SMTN: variants seen among roughly 807,000 people sequenced by gnomAD.
SMTN encodes smoothelin.
Under a neutral mutation model 102.0 loss-of-function variants are expected in SMTN, and 58 were observed. The ratio of observed to expected loss-of-function variants is 0.57; its 90% CI spans 0.46 to 0.71. The LOEUF (loss-of-function observed/expected upper bound fraction) is 0.71, where lower values mean the gene tolerates loss of function less well. Ranked by LOEUF, SMTN falls within the 30% of genes least tolerant of loss-of-function variation. The probability of loss-of-function intolerance (pLI) is 0.00; values close to 1 mark genes in which losing one functional copy is unlikely to be tolerated. For missense variants in SMTN, 1,185 were observed against 1,241.7 expected, an observed-to-expected ratio of 0.95 and a Z score of 0.69; for synonymous variants, 478 against 497.9, an observed-to-expected ratio of 0.96 and a Z score of 0.53.
Position 31,088,033 on chromosome 22 carries a change from G to C in SMTN, c.120G>C (p.Gln40His). 6.2e-7 allele frequency: 1 copy of C among 1,612,154 alleles called. No homozygotes were observed. Among genetic ancestry groups the C allele is most frequent in the Middle Eastern group, 1.7e-4 (1 of 6,058 alleles). The change falls in exon 3 of 21, where the codon CAG becomes CAC. Residue 40 changes from glutamine to histidine, a missense_variant. Around this residue, in one of 2 missense-constraint regions of SMTN, gnomAD observed 1,096 missense variants for 1,112.7 expected, o/e 0.98. Coordinates refer to ENST00000333137, the MANE Select transcript of SMTN (RefSeq NM_134269.3). Reference sequence around the variant, plus strand: ...CAGCCATCCGGGAACTGCAGCGGCAGGAGCTGGAGCGCGAGGAGGAGGCCC... The same window carrying C: ...CAGCCATCCGGGAACTGCAGCGGCACGAGCTGGAGCGCGAGGAGGAGGCCC... ...IRSAIRELQR[Q>H]ELEREEEALA... is the part of the protein sequence containing the mutation.
intron 1 of SMTN, among the ~76,000 whole-genome samples, chr22:31,072,966 T>C (rs2042037999): frequency 6.7e-6 from 1 of 150,334 alleles, no homozygotes; most frequent in African/African-American, 2.5e-5. Context: ...GTCCCTTATT[T>C]AAGCTAACAC....
intron 1 of SMTN, among the ~76,000 whole-genome samples, chr22:31,069,160 C>A (rs1170951824): frequency 6.6e-6 from 1 of 152,170 alleles, no homozygotes; most frequent in Non-Finnish European, 1.5e-5. Context: ...CCTGGCCCCG[C>A]TCCAGAAGGA....
chr22:31,070,834 G>A (rs930383824), intron 1 of SMTN, among the ~76,000 whole-genome samples: 18 of 150,976 alleles, frequency 1.2e-4, no homozygotes, highest in African/African-American at 4.4e-4. Context: ...TGAGGCAGGA[G>A]GATTGCTTGA....
At chr22:31,066,326 T>G (rs1272458543) in intron 1 of SMTN, 2 of 152,142 alleles carry the variant, frequency 1.3e-5, no homozygotes, top group Non-Finnish European at 2.9e-5. Context: ...ATTTTATTTT[T>G]GAGACAGAGT....
intron 8 of SMTN, 48 bp downstream of exon 8, chr22:31,090,228 C>A (rs1400646907): frequency 5.4e-6 from 8 of 1,477,768 alleles, no homozygotes; most frequent in Non-Finnish European, 4.6e-6. Context: ...TTCCCCTCCC[C>A]CTGCCTCCCT....
chr22:31,088,246 C>A, intron 3 of SMTN, 133 bp downstream of exon 3: 1 of 1,093,222 alleles, frequency 9.1e-7, no homozygotes, highest in South Asian at 1.6e-5. Context: ...TCCACACACG[C>A]TTCTGGAAAA....
At chr22:31,078,025 A>G (rs12158536), upstream of SMTN, among the ~76,000 whole-genome samples, 4,134 of 152,304 alleles carry the variant, frequency 0.027, 184 homozygotes, top group African/African-American at 0.094. Context: ...CTGTTGCCCA[A>G]CAAGGTCGTC....
chr22:31,088,500 G>A lies in SMTN; in HGVS notation c.201-13G>A, dbSNP rs1342949571. ...CCATGGCAGTGGTGGTTACAGTCAT[G>A]ATGTCTCTGCAGCTCTCAGCAGCGG... On this transcript the variant is annotated splice_polypyrimidine_tract_variant and intron_variant, in intron 3 of 20. Coordinates refer to ENST00000333137, the MANE Select transcript of SMTN (RefSeq NM_134269.3). 1 of 1,611,674 alleles carries A rather than the reference G, an allele frequency of 6.2e-7. No individual in the cohort carries two copies. Among genetic ancestry groups the A allele is most frequent in the Non-Finnish European group, 8.5e-7 (1 of 1,178,618 alleles).
At chr22:31,083,428 GA>G (rs2042444356) in intron 2 of SMTN, 119 bp downstream of exon 2, 1 of 1,269,072 alleles carries the variant, frequency 7.9e-7, no homozygotes. Context: ...GGAGGAGGGG[GA>G]CATGGGAACA....
At position 31,097,330 on chromosome 22, in the gene SMTN, G is replaced by T; in HGVS notation, c.2151G>T (p.Lys717Asn). The T allele has an allele frequency of 6.2e-7, 1 of 1,614,042 alleles. No homozygotes were observed. Among genetic ancestry groups the T allele is most frequent in the Middle Eastern group, 1.6e-4 (1 of 6,062 alleles). ...KTFSSSSSSK[K>N]MGSIFDREDQ... ...TCTCCTCTTCCTCCTCATCCAAGAA[G>T]ATGGGCAGGTGAGCACCAGCACCCA... Residue 717 changes from lysine (K) to asparagine (N), a missense_variant, in exon 16 of 21, where the codon AAG becomes AAT. By Grantham distance (94) the Lys-to-Asn change is moderately conservative. This residue lies in a region of SMTN where 1,096 missense variants were observed against 1,112.7 expected (regional missense o/e 0.98). Coordinates refer to ENST00000333137, the MANE Select transcript of SMTN (RefSeq NM_134269.3).
Position 31,088,853 on chromosome 22 carries a change from C to T in SMTN, c.374-19C>T, listed in dbSNP as rs756749431. 3 of 1,613,512 alleles carry T rather than the reference C, an allele frequency of 1.9e-6. No homozygotes were observed. Among genetic ancestry groups the T allele is most frequent in the Non-Finnish European group, 2.5e-6 (3 of 1,179,788 alleles). On this transcript the variant is annotated intron_variant, in intron 5 of 20. Transcript: ENST00000333137. ...GCACCTCCCTGTCACTCACCTGCCA[C>T]TTGCTCCTTCCCTTCCAGCTGCCAC...
At chr22:31,075,905 C>A (rs2042116282) in intron 1 of SMTN, among the ~76,000 whole-genome samples, 2 of 152,196 alleles carry the variant, frequency 1.3e-5, no homozygotes, top group Non-Finnish European at 2.9e-5. Context: ...TTTTAAAGTT[C>A]TGAACCCTGT....
At position 31,101,025 on chromosome 22, in the gene SMTN, C is replaced by T; in HGVS notation, c.2744C>T (p.Ser915Phe). Residue 915 changes from serine to phenylalanine, a missense_variant, in exon 20 of 21, where the codon TCC becomes TTC. Around this residue, in one of 2 missense-constraint regions of SMTN, gnomAD observed 89 missense variants for 128.9 expected, o/e 0.69. Transcript: ENST00000333137. ...VQKGLVKTKK[S>F] ...AAGGGGCTGGTAAAAACCAAAAAGT[C>T]CTAACCCCTGCTCGGGGCCCCACGG... 6.2e-7 allele frequency: 1 copy of T among 1,610,016 alleles called. No individual in the cohort carries two copies. The highest frequency in any genetic ancestry group is 2.2e-5 in the East Asian group (1 of 44,732).
Position 31,097,329 on chromosome 22 carries a change from A to G in SMTN, c.2150A>G (p.Lys717Arg), listed in dbSNP as rs1602663880. Residue 717 changes from lysine to arginine, a missense_variant, in exon 16 of 21, where the codon AAG (lysine) becomes AGG (arginine). Lys to Arg is a conservative substitution (Grantham distance 26). This residue lies in a region of SMTN where 1,096 missense variants were observed against 1,112.7 expected (regional missense o/e 0.98). Coordinates refer to ENST00000333137, the MANE Select transcript of SMTN (RefSeq NM_134269.3). ...TTCTCCTCTTCCTCCTCATCCAAGA[A>G]GATGGGCAGGTGAGCACCAGCACCC... ...KTFSSSSSSK[K>R]MGSIFDREDQ... is the part of the protein sequence containing the mutation. 1 of 1,614,072 alleles carries G rather than the reference A, an allele frequency of 6.2e-7. No individual in the cohort carries two copies. Among genetic ancestry groups the G allele is most frequent in the East Asian group, 2.2e-5 (1 of 44,884 alleles).
intron 1 of SMTN, among the ~76,000 whole-genome samples, chr22:31,071,871 T>G (rs1422554480): frequency 6.6e-6 from 1 of 151,826 alleles, no homozygotes; most frequent in African/African-American, 2.4e-5. Context: ...CATTTTTGTA[T>G]TTTTTGTAGA....
Position 31,090,975 on chromosome 22 carries a change from G to A in SMTN, c.952G>A (p.Ala318Thr). 6.2e-7 allele frequency: 1 copy of A among 1,613,236 alleles called. No individual in the cohort carries two copies. Among genetic ancestry groups the A allele is most frequent in the South Asian group, 1.1e-5 (1 of 91,014 alleles). Residue 318 changes from alanine to threonine, a missense_variant, in exon 10 of 21, where the codon GCC becomes ACC. By Grantham distance (58) the Ala-to-Thr change is moderately conservative (BLOSUM62 0). Around this residue, in one of 2 missense-constraint regions of SMTN, gnomAD observed 1,096 missense variants for 1,112.7 expected, o/e 0.98. Transcript: ENST00000333137. ...GTTCCTTCTAGAGTCCACCCCCCTT[G>A]CCAGCGGACCTTCCTCATTCCAGCG... ...PAQNRESTPLASGPSSFQRAG... is the reference protein window; with the variant it reads ...PAQNRESTPLTSGPSSFQRAG...
chr22:31,088,013 A>G lies in SMTN; in HGVS notation c.100A>G (p.Ile34Val). The G allele has an allele frequency of 6.2e-7, 1 of 1,611,292 alleles. No individual in the cohort carries two copies. The highest frequency in any genetic ancestry group is 8.5e-7 in the Non-Finnish European group (1 of 1,178,218). The change falls in exon 3 of 21, where the codon ATC (isoleucine) becomes GTC (valine). Residue 34 changes from isoleucine (I) to valine (V), a missense_variant. This residue lies in a region of SMTN where 1,096 missense variants were observed against 1,112.7 expected (regional missense o/e 0.98). Coordinates refer to ENST00000333137, the MANE Select transcript of SMTN (RefSeq NM_134269.3). ...LAERRRIRSA[I>V]RELQRQELER... is the part of the protein sequence containing the mutation. ...AGAGCGGCGGCGCATCCGCTCAGCC[A>G]TCCGGGAACTGCAGCGGCAGGAGCT...
rs761198642 is a variant in SMTN, at chr22:31,104,313, C to T, written c.*21-3C>T. Reference sequence around the variant, plus strand: ...CATCCAACCCCGTGCCCCCTCCCTGCAGGATGCTGGTGGACTGTGTGCCCC... The same window carrying T: ...CATCCAACCCCGTGCCCCCTCCCTGTAGGATGCTGGTGGACTGTGTGCCCC... On this transcript the variant is annotated splice_polypyrimidine_tract_variant and splice_region_variant and intron_variant, in intron 20 of 20. Transcript: ENST00000333137. 27 of 1,613,786 alleles carry T rather than the reference C, an allele frequency of 1.7e-5. No homozygotes were observed. In the Admixed American group the frequency reaches 4.5e-4, roughly 27 times the overall value.
At position 31,095,701 on chromosome 22, in the gene SMTN, T is replaced by A. The variant is rs2043532211; in HGVS notation, c.1861+92T>A. 1.8e-6 allele frequency: 2 copies of A among 1,123,004 alleles called. No individual in the cohort carries two copies. The highest frequency in any genetic ancestry group is 2.8e-5 in the South Asian group (2 of 70,964). 69.6% of individuals were successfully genotyped at this position (1,123,004 alleles called of 1,614,324 possible). A position where few individuals can be genotyped will look rare whatever the true frequency, so the allele number is the denominator to read the frequency against. Reference sequence around the variant, plus strand: ...GGGGTCCATTTGTGGACACCCCAGCTTAATAACTGCCCTACCCAGCTTCTC... The same window carrying A: ...GGGGTCCATTTGTGGACACCCCAGCATAATAACTGCCCTACCCAGCTTCTC... On this transcript the variant is annotated intron_variant, in intron 13 of 20. Transcript: ENST00000333137. The surrounding 1 kb of genome is among the most constrained non-coding windows in gnomAD (Gnocchi z 4.1).
Sources: gnomAD v4.1 joint callset for allele counts (sites outside exome capture counted in the v4.1 genomes callset) on GRCh38, gnomAD v4.1.1 for gene constraint, gnomAD v4.1.1 regional missense constraint, Gnocchi (gnomAD v3.1) non-coding constraint, MANE v1.5 for transcripts, NCBI Gene and HGNC (gene_info 2026-07-23, HGNC 2026-07-21) for gene names.